The following CNTLN variants were observed in gnomAD, a reference collection of about 807,000 sequenced individuals.
CNTLN encodes the protein centlein, also known as centlein, centrosomal protein.
Under a neutral mutation model 180.0 loss-of-function variants are expected in CNTLN, and 212 were observed. The ratio of observed to expected loss-of-function variants is 1.18; its 90% confidence interval spans 1.05 to 1.32. The LOEUF (loss-of-function observed/expected upper bound fraction) is 1.32. Among genes scored for constraint, CNTLN ranks in the 40% most tolerant of loss-of-function variants. CNTLN has a pLI of 0.00. For missense variants in CNTLN, 2,095 were observed against 1,610.9 expected (o/e 1.30, Z -5.14); for synonymous variants, 722 against 563.1 (o/e 1.28, Z -3.99).
chr9:17,189,135 T>C (rs1239884101), intron 2 of CNTLN, among the ~76,000 whole-genome samples: 2 of 134,382 alleles, frequency 1.5e-5, no homozygotes, highest in African/African-American at 5.8e-5. Context: ...CAAGCTGGAG[T>C]GCAGTGGCGT....
rs751346501 is a variant in CNTLN, at chr9:17,235,672, G to A, written c.549G>A (p.Leu183=). 4 of 1,603,160 alleles carry A rather than the reference G, an allele frequency of 2.5e-6. No homozygotes were observed. The highest frequency in any genetic ancestry group is 3.4e-6 in the Non-Finnish European group (4 of 1,175,530). Residue 183 remains leucine (L), a synonymous_variant, in exon 4 of 26, where the codon CTG becomes CTA. Coordinates refer to ENST00000380647, the MANE Select transcript of CNTLN (RefSeq NM_017738.4). Reference sequence around the variant, plus strand: ...TTTTTCCACAGAGAGAGTCAGTACTGAAACAGGAAATAAATGACCTTGTAA... The same window carrying A: ...TTTTTCCACAGAGAGAGTCAGTACTAAAACAGGAAATAAATGACCTTGTAA... ...IQEFEQRESV[L]KQEINDLVKR...
intron 18 of CNTLN, among the ~76,000 whole-genome samples, chr9:17,432,878 G>C (rs374779709): frequency 6.6e-6 from 1 of 151,790 alleles, no homozygotes; most frequent in Non-Finnish European, 1.5e-5. Context: ...ACAATTAGCC[G>C]GGCATGGTGG....
chr9:17,310,538 C>T (rs1478466686), intron 8 of CNTLN, among the ~76,000 whole-genome samples: 1 of 152,126 alleles, frequency 6.6e-6, no homozygotes, highest in Non-Finnish European at 1.5e-5. Context: ...GACATTTTCG[C>T]ACATGTTTCT....
intron 8 of CNTLN, among the ~76,000 whole-genome samples, chr9:17,327,437 G>A (rs1217114674): frequency 2.0e-5 from 3 of 150,520 alleles, no homozygotes; most frequent in African/African-American, 7.3e-5. Context: ...GCTCTTCTCG[G>A]CCTCCCGAAG....
intron 15 of CNTLN, among the ~76,000 whole-genome samples, chr9:17,398,613 G>A (rs1196312207): frequency 3.3e-5 from 5 of 152,278 alleles, no homozygotes; most frequent in East Asian, 3.9e-4. Flanking sequence ...ACTGATTTCA[G>A]CTAGTTCTTT....
In CNTLN at chr9:17,415,963, TAGTCAACAG is replaced by T; in HGVS notation, c.2891_2899del (p.Val964_Arg966del). 1 of 1,598,920 alleles carries T rather than the reference TAGTCAACAG, an allele frequency of 6.3e-7. No individual in the cohort carries two copies. The highest frequency in any genetic ancestry group is 8.5e-7 in the Non-Finnish European group (1 of 1,172,554). On this transcript the variant is annotated splice_acceptor_variant and coding_sequence_variant, in exon 18 of 26. Coordinates refer to ENST00000380647, the MANE Select transcript of CNTLN (RefSeq NM_017738.4). LOFTEE classifies it high-confidence loss of function. ...AAATATGAACAATATTGTTTTTATG[TAGTCAACAG>T]AGAAAAGTACAAAAATATAACTGCC... is the stretch of plus-strand genomic sequence containing the variant.
At chr9:17,505,620 C>T (rs531588407), downstream of CNTLN, among the ~76,000 whole-genome samples, 2 of 151,846 alleles carry the variant, frequency 1.3e-5, no homozygotes, top group South Asian at 2.1e-4. Context: ...AAAACACTAG[C>T]GAAAGAAATG....
intron 2 of CNTLN, among the ~76,000 whole-genome samples, chr9:17,176,763 G>C (rs1170560251): frequency 6.6e-6 from 1 of 152,132 alleles, no homozygotes; most frequent in African/African-American, 2.4e-5. Flanking sequence ...TTCCTTAATA[G>C]TTATAGGATT....
intron 2 of CNTLN, among the ~76,000 whole-genome samples, chr9:17,225,689 C>G (rs1824421091): frequency 2.0e-5 from 3 of 151,730 alleles, no homozygotes; most frequent in Admixed American, 2.0e-4. Flanking sequence ...TTTCTGTTTC[C>G]CAGAGAACTA....
At chr9:17,527,034 T>C in the CNTLN span, among the ~76,000 whole-genome samples, 1 of 152,154 alleles carries the variant, frequency 6.6e-6, no homozygotes, top group African/African-American at 2.4e-5. Context: ...TGCATCACCA[T>C]GCTCAGCTAA....
chr9:17,474,702 C>G (rs1230832680), intron 23 of CNTLN, among the ~76,000 whole-genome samples: 1 of 152,044 alleles, frequency 6.6e-6, no homozygotes, highest in African/African-American at 2.4e-5. Flanking sequence ...AACCCCGTCT[C>G]TACTAAAAAT....
intron 8 of CNTLN, among the ~76,000 whole-genome samples, chr9:17,325,273 T>G (rs572913901): frequency 1.1e-4 from 15 of 135,818 alleles, no homozygotes; most frequent in Non-Finnish European, 2.1e-4. Context: ...CTTTATTAAT[T>G]GGTAATAGAC....
In CNTLN at chr9:17,192,528, C is replaced by T. The variant is rs536226612; in HGVS notation, c.450-33675C>T. On this transcript the variant is annotated intron_variant, in intron 2 of 25. Transcript: ENST00000380647. ...CTGGGATTACAGGCGTGAGCCACCA[C>T]GTCCCGCTGAGGTAGGCCCTATTCT... is the stretch of plus-strand genomic sequence containing the variant. Among the ~76,000 whole-genome samples the T allele has an allele frequency of 7.6e-4, 113 of 148,480 alleles. 3 individuals carry two copies. In the South Asian group the frequency reaches 0.02, roughly 26 times the overall value.
At chr9:17,307,972 CCACACACACACACACACACACACACACA>C (rs3837233) in intron 7 of CNTLN, among the ~76,000 whole-genome samples, 1 of 137,816 alleles carries the variant, frequency 7.3e-6, no homozygotes, top group Non-Finnish European at 1.6e-5. Context: ...GCCTTTAAAA[CCACACACACACACACACACACACACACA>C]CACACACACA....
At chr9:17,498,284 A>C (rs1833564892) in intron 25 of CNTLN, among the ~76,000 whole-genome samples, 1 of 152,146 alleles carries the variant, frequency 6.6e-6, no homozygotes, top group Admixed American at 6.6e-5. Context: ...CTATTTTTCT[A>C]AGATAGTTCT....
chr9:17,217,638 A>G (rs1459466118), intron 2 of CNTLN, among the ~76,000 whole-genome samples: 2 of 152,238 alleles, frequency 1.3e-5, no homozygotes, highest in Non-Finnish European at 2.9e-5. Context: ...ACTGGAAGAA[A>G]CTTCTAGATT....
chr9:17,172,195 T>C (rs1424218300), intron 2 of CNTLN, among the ~76,000 whole-genome samples: 1 of 151,566 alleles, frequency 6.6e-6, no homozygotes. Context: ...AGCAGGTTGC[T>C]GGAGTTTGTA....
rs761355877 is a variant in CNTLN at position 17,484,297 on chromosome 9, T to G, written c.3858T>G (p.Ala1286=). 6.3e-6 allele frequency: 10 copies of G among 1,593,610 alleles called. No individual in the cohort carries two copies. Among genetic ancestry groups the G allele is most frequent in the Non-Finnish European group, 8.5e-6 (10 of 1,174,592 alleles). Residue 1286 remains alanine, a splice_region_variant and synonymous_variant, in exon 24 of 26, where the codon GCT becomes GCG. Transcript: ENST00000380647. The stretch of plus-strand genomic sequence containing the variant: ...AATTTCTTTCCAATATGTTACAGGC[T>G]TTGGCCAAAGAGTTGCAAAATGATG... ...KVEEFTTFVK[A]LAKELQNDVH...
intron 8 of CNTLN, among the ~76,000 whole-genome samples, chr9:17,317,239 A>G (rs1015901255): frequency 3.3e-5 from 5 of 152,206 alleles, no homozygotes; most frequent in South Asian, 4.1e-4. Flanking sequence ...TTGTGTAGCT[A>G]GTGAGGTGAC....
Sources: gnomAD v4.1 joint callset for allele counts (sites outside exome capture counted in the v4.1 genomes callset) on GRCh38, gnomAD v4.1.1 for gene constraint, MANE v1.5 for transcripts, NCBI Gene and HGNC (gene_info 2026-07-23, HGNC 2026-07-21) for gene names.